The following SDK1 variants were observed in gnomAD, a reference collection of about 807,000 sequenced individuals.
SDK1 encodes sidekick cell adhesion molecule 1.
Under a neutral mutation model 245.5 loss-of-function variants are expected in SDK1, and 157 were observed. The observed-to-expected ratio is 0.64, with a 90% CI of 0.56 to 0.73. The LOEUF (loss-of-function observed/expected upper bound fraction) is 0.73. SDK1 is among the 30% of genes least tolerant of loss of function. SDK1 has a pLI of 0.00. For missense variants in SDK1, 3,583 were observed against 3,002.3 expected, an observed-to-expected ratio of 1.19 and a Z score of -4.52; for synonymous variants, 1,647 against 1,278.5, an observed-to-expected ratio of 1.29 and a Z score of -6.15.
intron 4 of SDK1, chr7:3,643,523 CT>C (rs1782720755): frequency 6.9e-6 from 1 of 145,888 alleles, no homozygotes; most frequent in Non-Finnish European, 1.5e-5. Context: ...TTCCGTAAAC[CT>C]CGTGATTCTT....
intron 1 of SDK1, among the ~76,000 whole-genome samples, chr7:3,523,710 A>G (rs1458926567): frequency 2.6e-5 from 4 of 152,156 alleles, no homozygotes; most frequent in Non-Finnish European, 5.9e-5. Context: ...GCACAAGAAA[A>G]ACTTGTAACT....
chr7:3,878,963 A>G (rs1352517703), intron 5 of SDK1, among the ~76,000 whole-genome samples: 1 of 152,130 alleles, frequency 6.6e-6, no homozygotes, highest in African/African-American at 2.4e-5. Flanking sequence ...TTTAATTAAC[A>G]TTTGCTAATA....
intron 1 of SDK1, among the ~76,000 whole-genome samples, chr7:3,401,671 A>T (rs987402464): frequency 6.6e-6 from 1 of 151,856 alleles, no homozygotes; most frequent in Non-Finnish European, 1.5e-5. Flanking sequence ...GGGCAGTTAC[A>T]TTACTTCTCT....
At chr7:3,557,992 T>G (rs1779639724) in intron 1 of SDK1, among the ~76,000 whole-genome samples, 1 of 152,100 alleles carries the variant, frequency 6.6e-6, no homozygotes. Context: ...ATAGTTTTGT[T>G]TCCCTCCCCC....
chr7:4,033,537 A>G (rs1364120603), intron 17 of SDK1, among the ~76,000 whole-genome samples: 3 of 152,220 alleles, frequency 2.0e-5, no homozygotes, highest in Non-Finnish European at 4.4e-5. Flanking sequence ...AACAAGACAA[A>G]TAGCAAATTG....
intron 1 of SDK1, among the ~76,000 whole-genome samples, chr7:3,602,041 A>T (rs62437875): frequency 0.23 from 34,525 of 150,818 alleles, 4,149 homozygotes; most frequent in South Asian, 0.31. Context: ...TATTCCATGG[A>T]GTATATGTGC....
Position 3,924,572 on chromosome 7 carries a change from C to T in SDK1, c.848-26351C>T, listed in dbSNP as rs540110843. Among the ~76,000 whole-genome samples the T allele has an allele frequency of 1.5e-4, 23 of 152,254 alleles. No individual in the cohort carries two copies. In the South Asian group the frequency reaches 1.9e-3, roughly 12 times the overall value. On this transcript the variant is annotated intron_variant, in intron 5 of 44. Coordinates refer to ENST00000404826, the MANE Select transcript of SDK1 (RefSeq NM_152744.4). ...CCAGGAATTCTGTTTGGGTCTCGTA[C>T]GTTATCATCTGTTACCAGTGACAGT...
At chr7:3,578,075 C>G (rs73296290) in intron 1 of SDK1, among the ~76,000 whole-genome samples, 3 of 152,056 alleles carry the variant, frequency 2.0e-5, no homozygotes, top group East Asian at 1.9e-4. Context: ...TATATTTTCT[C>G]TCTCTAATTT....
chr7:4,162,337 GGGT>G (rs148422674), intron 32 of SDK1, among the ~76,000 whole-genome samples: 4,101 of 148,040 alleles, frequency 0.028, 216 homozygotes, highest in African/African-American at 0.096. Flanking sequence ...GTCTGGGGGT[GGGT>G]GGTGGTGGTG....
chr7:4,198,179 G>A (rs1783690498), intron 35 of SDK1, among the ~76,000 whole-genome samples: 1 of 152,200 alleles, frequency 6.6e-6, no homozygotes, highest in Admixed American at 6.5e-5. Flanking sequence ...GAAATGTCCT[G>A]TAGCTCCTGT....
chr7:3,520,042 G>T (rs1782882711), intron 1 of SDK1, among the ~76,000 whole-genome samples: 1 of 152,138 alleles, frequency 6.6e-6, no homozygotes, highest in Non-Finnish European at 1.5e-5. Flanking sequence ...GGGAAAGAAA[G>T]GTTATTTAAA....
At chr7:4,250,821 GC>G (rs1386515498) in intron 44 of SDK1, among the ~76,000 whole-genome samples, 1 of 152,108 alleles carries the variant, frequency 6.6e-6, no homozygotes, top group Non-Finnish European at 1.5e-5. Context: ...CATATAATTT[GC>G]CCATTTAGAA....
intron 1 of SDK1, among the ~76,000 whole-genome samples, chr7:3,389,314 ATACAAT>A (rs901791209): frequency 6.6e-6 from 1 of 152,194 alleles, no homozygotes; most frequent in African/African-American, 2.4e-5. Flanking sequence ...TGGGCTCCAA[ATACAAT>A]TACAAGTGAC....
intron 1 of SDK1, among the ~76,000 whole-genome samples, chr7:3,479,998 T>G (rs181840404): frequency 6.6e-6 from 1 of 152,186 alleles, no homozygotes; most frequent in African/African-American, 2.4e-5. Flanking sequence ...CCCTCACCTG[T>G]CCACGCCCAA....
At chr7:3,624,936 T>G (rs559909829) in intron 2 of SDK1, among the ~76,000 whole-genome samples, 1 of 152,066 alleles carries the variant, frequency 6.6e-6, no homozygotes, top group African/African-American at 2.4e-5. Flanking sequence ...TCCCAGCTAC[T>G]CGGGAGGCAG....
intron 1 of SDK1, among the ~76,000 whole-genome samples, chr7:3,483,221 G>A (rs370364450): frequency 6.6e-6 from 1 of 152,130 alleles, no homozygotes; most frequent in Non-Finnish European, 1.5e-5. Flanking sequence ...TTGAGTCCTA[G>A]CATTTCTGAA....
At chr7:3,871,372 T>A (rs187643609) in intron 5 of SDK1, among the ~76,000 whole-genome samples, 7 of 152,208 alleles carry the variant, frequency 4.6e-5, no homozygotes, top group Non-Finnish European at 1.0e-4. Context: ...ATAGAGAGAA[T>A]TGTATTTCTT....
chr7:3,987,040 A>G, intron 13 of SDK1, 146 bp from the exon 14 acceptor site: 1 of 733,976 alleles, frequency 1.4e-6, no homozygotes. Flanking sequence ...TGGGGGGAAG[A>G]GAGTTAATAT....
intron 1 of SDK1, among the ~76,000 whole-genome samples, chr7:3,448,563 C>T (rs188844226): frequency 2.1e-3 from 313 of 151,992 alleles, no homozygotes; most frequent in Non-Finnish European, 3.6e-3. Flanking sequence ...TGCCTAAATT[C>T]TCTTATGAAT....
Sources: allele counts gnomAD v4.1 joint callset (sites outside exome capture counted in the v4.1 genomes callset), GRCh38; gene constraint gnomAD v4.1.1; transcripts MANE v1.5; gene names NCBI Gene and HGNC (gene_info 2026-07-23, HGNC 2026-07-21).